Variants in TUSC3 observed in about 807,000 individuals in gnomAD.
TUSC3 encodes dolichyl-diphosphooligosaccharide--protein glycosyltransferase subunit TUSC3.
A neutral mutation model predicts 44.8 loss-of-function variants in TUSC3; 45 were observed. That is an observed-to-expected ratio of 1.00 (90% confidence interval 0.79 to 1.29). The LOEUF (loss-of-function observed/expected upper bound fraction) is 1.29, where lower values mean the gene tolerates loss of function less well. Ranked by LOEUF, TUSC3 falls within the 50% of genes most tolerant of loss-of-function variation. TUSC3 has a pLI of 0.00. For synonymous variants in TUSC3, 212 were observed against 152.9 expected, an observed-to-expected ratio of 1.39 and a Z score of -2.85; for missense variants, 519 against 437.9, an observed-to-expected ratio of 1.19 and a Z score of -1.65.
At chr8:15,807,286 G>C in the TUSC3 span, 1 of 561,648 alleles carries the variant, frequency 1.8e-6, no homozygotes, top group Admixed American at 2.6e-5. Flanking sequence ...GTCCCATTAT[G>C]TCATAATCCT....
intron 2 of TUSC3, among the ~76,000 whole-genome samples, chr8:15,643,532 A>G (rs1327201396): frequency 6.6e-6 from 1 of 152,122 alleles, no homozygotes; most frequent in Non-Finnish European, 1.5e-5. Context: ...TAAAATATGT[A>G]TTTGGATCAC....
intron 1 of TUSC3, among the ~76,000 whole-genome samples, chr8:15,460,646 G>GT (rs1800333243): frequency 6.6e-6 from 1 of 152,132 alleles, no homozygotes; most frequent in African/African-American, 2.4e-5. Context: ...ATTTTCTAGA[G>GT]TTGTTATAGC....
intron 9 of TUSC3, among the ~76,000 whole-genome samples, chr8:15,751,468 A>G (rs1364990241): frequency 6.6e-6 from 1 of 152,018 alleles, no homozygotes; most frequent in Non-Finnish European, 1.5e-5. Context: ...ACCTATATAT[A>G]CTACCGGTTC....
intron 7 of TUSC3, among the ~76,000 whole-genome samples, chr8:15,731,852 A>T (rs1219804038): frequency 2.6e-5 from 4 of 152,152 alleles, no homozygotes; most frequent in Non-Finnish European, 4.4e-5. Flanking sequence ...TGACCCCTTC[A>T]GTTTATTCAA....
At chr8:15,732,327 G>T (rs932527264) in intron 7 of TUSC3, among the ~76,000 whole-genome samples, 2 of 152,130 alleles carry the variant, frequency 1.3e-5, no homozygotes, top group Non-Finnish European at 2.9e-5. Flanking sequence ...TCATGATAAT[G>T]AGTAAGTCTC....
intron 1 of TUSC3, among the ~76,000 whole-genome samples, chr8:15,478,141 G>A (rs1356706936): frequency 6.6e-6 from 1 of 151,896 alleles, no homozygotes; most frequent in African/African-American, 2.4e-5. Context: ...ATTTTTAGTA[G>A]AGACGGGGTT....
At chr8:15,662,053 T>C in intron 4 of TUSC3, 103 bp from the exon 5 acceptor site, 1 of 1,309,416 alleles carries the variant, frequency 7.6e-7, no homozygotes, top group Non-Finnish European at 1.1e-6. Flanking sequence ...TTGGGTGGCA[T>C]GTTTCTGAGT....
At chr8:15,671,717 T>C (rs1361609637) in intron 5 of TUSC3, among the ~76,000 whole-genome samples, 2 of 152,108 alleles carry the variant, frequency 1.3e-5, no homozygotes, top group Non-Finnish European at 2.9e-5. Flanking sequence ...CCATGTAGAA[T>C]GTAAGCTTCC....
At chr8:15,460,833 G>T (rs1246821262) in intron 1 of TUSC3, among the ~76,000 whole-genome samples, 6 of 152,046 alleles carry the variant, frequency 3.9e-5, no homozygotes, top group Admixed American at 3.9e-4. Context: ...AGATCAGTTG[G>T]CTGTAAGTAT....
chr8:15,767,086 T>C (rs188527511), downstream of TUSC3, among the ~76,000 whole-genome samples: 3 of 152,192 alleles, frequency 2.0e-5, no homozygotes, highest in East Asian at 1.9e-4. Flanking sequence ...TTTTCTCTAA[T>C]AGTAGGAAAA....
At chr8:15,624,238 G>T (rs1020937983) in intron 2 of TUSC3, among the ~76,000 whole-genome samples, 22 of 152,292 alleles carry the variant, frequency 1.4e-4, no homozygotes, top group Non-Finnish European at 2.8e-4. Context: ...AGGAATCGGG[G>T]TCGTTTCTAG....
chr8:15,563,202 C>G (rs77681216), intron 1 of TUSC3, among the ~76,000 whole-genome samples: 1 of 151,984 alleles, frequency 6.6e-6, no homozygotes, highest in Non-Finnish European at 1.5e-5. Flanking sequence ...GTGATGATAA[C>G]TTTATCATCA....
intron 1 of TUSC3, among the ~76,000 whole-genome samples, chr8:15,620,460 A>G (rs945668570): frequency 6.6e-6 from 1 of 152,202 alleles, no homozygotes; most frequent in Non-Finnish European, 1.5e-5. Context: ...TTTTAGTATT[A>G]AACATGACTG....
intron 2 of TUSC3, among the ~76,000 whole-genome samples, chr8:15,631,853 C>T (rs1217750494): frequency 1.3e-5 from 2 of 151,996 alleles, no homozygotes; most frequent in Non-Finnish European, 2.9e-5. Flanking sequence ...CTACAGGCAC[C>T]TGCCGCCATG....
At chr8:15,726,909 C>A (rs974747848) in intron 6 of TUSC3, among the ~76,000 whole-genome samples, 1 of 152,114 alleles carries the variant, frequency 6.6e-6, no homozygotes, top group East Asian at 1.9e-4. Context: ...AAGAATTGAT[C>A]GGTATCCATT....
chr8:15,552,406 C>T (rs771377442), intron 1 of TUSC3, among the ~76,000 whole-genome samples: 1 of 151,576 alleles, frequency 6.6e-6, no homozygotes, highest in African/African-American at 2.4e-5. Flanking sequence ...GCTCATAGTT[C>T]AGTGGGAGAT....
At chr8:15,845,784 G>C in the TUSC3 span, among the ~76,000 whole-genome samples, 1 of 152,152 alleles carries the variant, frequency 6.6e-6, no homozygotes, top group Non-Finnish European at 1.5e-5. Flanking sequence ...CTACGTGTAT[G>C]TTCAAACATT....
intron 1 of TUSC3, among the ~76,000 whole-genome samples, chr8:15,561,314 T>C (rs1292214814): frequency 6.8e-6 from 1 of 147,866 alleles, no homozygotes; most frequent in Non-Finnish European, 1.5e-5. Flanking sequence ...GTTCGGCTGC[T>C]AGGAGGTCAG....
At chr8:15,552,542 TG>T (rs1456878577) in intron 1 of TUSC3, among the ~76,000 whole-genome samples, 1 of 151,568 alleles carries the variant, frequency 6.6e-6, no homozygotes, top group Non-Finnish European at 1.5e-5. Context: ...AATAACCCAG[TG>T]AAGAGGGCGA....
Sources: gnomAD v4.1 joint callset for allele counts (sites outside exome capture counted in the v4.1 genomes callset) on GRCh38, gnomAD v4.1.1 for gene constraint, MANE v1.5 for transcripts, NCBI Gene and HGNC (gene_info 2026-07-23, HGNC 2026-07-21) for gene names.